SNX14: variants seen among roughly 807,000 people sequenced by gnomAD.
SNX14 encodes sorting nexin 14.
SNX14 carries 93 observed loss-of-function variants against 133.8 expected under a neutral mutation model. That is an observed-to-expected ratio of 0.70 (90% CI 0.59 to 0.83). The LOEUF (loss-of-function observed/expected upper bound fraction) is 0.83. SNX14 is among the 40% of genes least tolerant of loss of function. The pLI, the probability that SNX14 is intolerant of heterozygous loss-of-function variation, is 0.00. For synonymous variants in SNX14, 368 were observed against 365.6 expected, an observed-to-expected ratio of 1.01 and a Z score of -0.07; for missense variants, 945 against 1,094.9, an observed-to-expected ratio of 0.86 and a Z score of 1.93.
chr6:85,540,523 C>T (rs1353882118), intron 15 of SNX14, among the ~76,000 whole-genome samples: 1 of 152,126 alleles, frequency 6.6e-6, no homozygotes, highest in Non-Finnish European at 1.5e-5. Flanking sequence ...TGTTAAATAA[C>T]GTCTAAGTTT....
At chr6:85,517,717 A>G (rs199776207) in intron 23 of SNX14, 39 bp downstream of exon 23, 3 of 1,549,190 alleles carry the variant, frequency 1.9e-6, no homozygotes, top group Non-Finnish European at 2.6e-6. Flanking sequence ...AAGTAGGGCA[A>G]CTTAAAACTT....
intron 1 of SNX14, among the ~76,000 whole-genome samples, chr6:85,581,041 C>T (rs887580903): frequency 6.6e-5 from 10 of 152,108 alleles, no homozygotes; most frequent in Non-Finnish European, 5.9e-5. Flanking sequence ...TGAGACCCAG[C>T]GCCTGTGCTG....
chr6:85,517,315 T>C (rs984519528), intron 23 of SNX14, among the ~76,000 whole-genome samples: 7 of 152,252 alleles, frequency 4.6e-5, no homozygotes, highest in African/African-American at 1.7e-4. Context: ...GGACAAGGAA[T>C]GTATCCTTAT....
rs1365956603 is a variant in SNX14 at position 85,550,012 on chromosome 6, C to T, written c.635-133G>A. On this transcript the variant is annotated intron_variant, in intron 7 of 28. Coordinates refer to ENST00000314673, the MANE Select transcript of SNX14 (RefSeq NM_153816.6). ...CTGTAATCCCAGCATTTTGTGAGGC[C>T]GAGGCAGGCAAATCGCTTGAGGCCA... is the stretch of plus-strand genomic sequence containing the variant. The T allele has an allele frequency of 1.4e-5, 10 of 701,372 alleles. No individual in the cohort carries two copies. In the Admixed American group the frequency reaches 2.2e-4, roughly 16 times the overall value. 43.4% of individuals were successfully genotyped at this position (701,372 alleles called of 1,614,324 possible). A position where few individuals can be genotyped will look rare whatever the true frequency, so the allele number is the denominator to read the frequency against.
intron 15 of SNX14, among the ~76,000 whole-genome samples, chr6:85,541,144 C>T (rs1783605798): frequency 6.6e-6 from 1 of 152,056 alleles, no homozygotes; most frequent in Admixed American, 6.5e-5. Context: ...AGGCATGTGC[C>T]ACCACGCCCA....
chr6:85,563,413 TAG>T (rs1271935888), intron 6 of SNX14, among the ~76,000 whole-genome samples: 1 of 152,122 alleles, frequency 6.6e-6, no homozygotes, highest in Non-Finnish European at 1.5e-5. Flanking sequence ...CTTTTTGAGA[TAG>T]AGTTTCGCTC....
intron 26 of SNX14, among the ~76,000 whole-genome samples, chr6:85,510,776 G>A (rs1345607953): frequency 2.0e-5 from 3 of 152,166 alleles, no homozygotes; most frequent in Non-Finnish European, 4.4e-5. Flanking sequence ...AATAAGAACA[G>A]TTGCTGTAAG....
intron 15 of SNX14, among the ~76,000 whole-genome samples, chr6:85,539,830 T>G (rs1410730412): frequency 6.6e-6 from 1 of 151,958 alleles, no homozygotes; most frequent in Admixed American, 6.6e-5. Context: ...CCAACAAAAT[T>G]AGTACCTTAA....
intron 5 of SNX14, 121 bp downstream of exon 5, chr6:85,567,412 TA>T: frequency 2.7e-6 from 2 of 733,020 alleles, no homozygotes; most frequent in East Asian, 3.2e-5. Context: ...TTATTTTGGC[TA>T]AAAGGTCAAC....
At chr6:85,538,803 T>G in intron 16 of SNX14, 35 bp downstream of exon 16, 2 of 1,572,234 alleles carry the variant, frequency 1.3e-6, no homozygotes, top group East Asian at 2.3e-5. Flanking sequence ...CTAAAAACAT[T>G]TAATACTGAA....
intron 1 of SNX14, among the ~76,000 whole-genome samples, chr6:85,588,521 G>A (rs1801732670): frequency 6.6e-6 from 1 of 152,170 alleles, no homozygotes; most frequent in Non-Finnish European, 1.5e-5. Flanking sequence ...AGCTTGCAGT[G>A]AGCCAAGATA....
intron 4 of SNX14, among the ~76,000 whole-genome samples, chr6:85,570,718 T>C (rs943355818): frequency 1.3e-5 from 2 of 151,856 alleles, no homozygotes; most frequent in African/African-American, 4.8e-5. Flanking sequence ...CTGGGCGTGG[T>C]GGTGTGCGCT....
intron 13 of SNX14, 42 bp downstream of exon 13, chr6:85,543,563 G>GT: frequency 1.6e-5 from 23 of 1,478,194 alleles, no homozygotes; most frequent in Non-Finnish European, 2.0e-5. Flanking sequence ...TGGAAAAACT[G>GT]TAAGAGTGCT....
At chr6:85,575,953 T>C (rs773149751) in intron 1 of SNX14, among the ~76,000 whole-genome samples, 7 of 152,238 alleles carry the variant, frequency 4.6e-5, no homozygotes, top group Non-Finnish European at 8.8e-5. Context: ...ATATGTTTTT[T>C]ACAAAGAAAT....
chr6:85,558,007 A>T lies in SNX14; in HGVS notation c.603T>A (p.His201Gln). ...TKKLLKAAMK[H>Q]IEVIVKARQK... ...GTCTGGCTTTAACTATCACTTCTAT[A>T]TGCTTCATTGCTGCTTTTAATAGTT... The change falls in exon 7 of 29, where the codon CAT becomes CAA. Residue 201 changes from histidine to glutamine, a missense_variant. His to Gln is a conservative substitution (Grantham distance 24). Transcript: ENST00000314673. The T allele has an allele frequency of 6.3e-7, 1 of 1,595,602 alleles. No individual in the cohort carries two copies.
rs567689466 is a variant in SNX14 at position 85,526,226 on chromosome 6, C to T, written c.2007G>A (p.Gln669=). Residue 669 remains glutamine, a synonymous_variant, in exon 21 of 29, where the codon CAG becomes CAA. Transcript: ENST00000314673. ...EFQEYLQKLL[Q]HPELSNSQLL... Reference sequence around the variant, plus strand: ...GTTGACTATTACTCAGTTCTGGATGCTGCAGAAGTTTCTTGAATGAACAAA... The same window carrying T: ...GTTGACTATTACTCAGTTCTGGATGTTGCAGAAGTTTCTTGAATGAACAAA... 2.5e-6 allele frequency: 4 copies of T among 1,594,400 alleles called. No homozygotes were observed. The African/African-American group carries it at 4.1e-5, about 16-fold the overall frequency.
At position 85,526,257 on chromosome 6, in the gene SNX14, C is replaced by A. The variant is rs560412878; in HGVS notation, c.1996-20G>T. 2 of 1,485,094 alleles carry A rather than the reference C, an allele frequency of 1.3e-6. No individual in the cohort carries two copies. The highest frequency in any genetic ancestry group is 1.3e-5 in the South Asian group (1 of 79,988). 92.0% of individuals were successfully genotyped at this position (1,485,094 alleles called of 1,614,324 possible). A position where few individuals can be genotyped will look rare whatever the true frequency, so the allele number is the denominator to read the frequency against. ...AAGTTTCTTGAATGAACAAAAAAAA[C>A]GGAAAACACAGTTTAGAAATCTAGA... On this transcript the variant is annotated intron_variant, in intron 20 of 28. Transcript: ENST00000314673.
intron 1 of SNX14, among the ~76,000 whole-genome samples, chr6:85,576,116 T>C (rs896458313): frequency 3.3e-5 from 5 of 152,168 alleles, no homozygotes; most frequent in African/African-American, 1.2e-4. Flanking sequence ...AATTTTCCCA[T>C]TGACTGAAAC....
rs903644191 is a variant in SNX14, at chr6:85,551,333, A to T, written c.635-1454T>A. 9.2e-5 allele frequency among the ~76,000 whole-genome samples: 14 copies of T among 152,248 alleles called. 1 individual carries two copies. The highest frequency in any genetic ancestry group is 3.9e-4 in the Admixed American group (6 of 15,282). On this transcript the variant is annotated intron_variant, in intron 7 of 28. Transcript: ENST00000314673. Reference sequence around the variant, plus strand: ...AGCAAAACCAGTTCCTGCTGTTGGGAGCCAAGATGAACTGTGGCTGGAAAC... The same window carrying T: ...AGCAAAACCAGTTCCTGCTGTTGGGTGCCAAGATGAACTGTGGCTGGAAAC...
Sources: gnomAD v4.1 joint callset for allele counts (sites outside exome capture counted in the v4.1 genomes callset) on GRCh38, gnomAD v4.1.1 for gene constraint, MANE v1.5 for transcripts, NCBI Gene and HGNC (gene_info 2026-07-23, HGNC 2026-07-21) for gene names.